Variants in SPATS2L observed in about 807,000 individuals in gnomAD.
The protein encoded by SPATS2L is spermatogenesis associated serine rich 2 like.
In SPATS2L, 30 loss-of-function variants were observed where a neutral mutation model predicts 59.6. The observed-to-expected ratio is 0.50, with a 90% CI of 0.38 to 0.68. SPATS2L has a LOEUF of 0.68. Ranked by LOEUF, SPATS2L falls within the 30% of genes least tolerant of loss-of-function variation. The pLI, the probability that SPATS2L is intolerant of heterozygous loss-of-function variation, is 0.00. For missense variants in SPATS2L, 615 were observed against 700.0 expected, an observed-to-expected ratio of 0.88 and a Z score of 1.37; for synonymous variants, 252 against 263.5, an observed-to-expected ratio of 0.96 and a Z score of 0.42.
Position 200,438,038 on chromosome 2 carries a change from G to A in SPATS2L, c.446-1084G>A, listed in dbSNP as rs76745073. 5.8e-3 allele frequency among the ~76,000 whole-genome samples: 881 copies of A among 152,312 alleles called. 8 individuals carry two copies. Among genetic ancestry groups the A allele is most frequent in the African/African-American group, 0.018 (729 of 41,572 alleles). On this transcript the variant is annotated intron_variant, in intron 6 of 12. Transcript: ENST00000409140. ...GGAAGATTGCAGCCTCTGCAAGGCA[G>A]GGGTGAGGGGCAGATATGGAAGCCT... is the stretch of plus-strand genomic sequence containing the variant.
At chr2:200,456,748 G>T (rs1393895037) in intron 8 of SPATS2L, among the ~76,000 whole-genome samples, 1 of 152,126 alleles carries the variant, frequency 6.6e-6, no homozygotes, top group African/African-American at 2.4e-5. Flanking sequence ...CCCCTCCACT[G>T]GGCATCTGAG....
intron 3 of SPATS2L, among the ~76,000 whole-genome samples, chr2:200,401,919 A>G (rs756261829): frequency 6.6e-6 from 1 of 152,156 alleles, no homozygotes; most frequent in Non-Finnish European, 1.5e-5. Flanking sequence ...CTGGACATGG[A>G]TGTCTCACAG....
Position 200,422,552 on chromosome 2 carries a change from A to G in SPATS2L, c.445+3056A>G, listed in dbSNP as rs867030886. On this transcript the variant is annotated intron_variant, in intron 6 of 12. Transcript: ENST00000409140. ...TAAGACTCCTCAAAAAAAAAAAAAA[A>G]GGGGGAGGAAGAAGAAATGATGGTA... 9.8e-4 allele frequency among the ~76,000 whole-genome samples: 137 copies of G among 139,634 alleles called. 1 individual carries two copies. In the East Asian group the frequency reaches 0.011, roughly 11 times the overall value. 91.6% of individuals were successfully genotyped at this position (139,634 alleles called of 152,430 possible).
intron 6 of SPATS2L, among the ~76,000 whole-genome samples, chr2:200,435,302 C>T (rs1553535091): frequency 6.6e-6 from 1 of 152,056 alleles, no homozygotes; most frequent in Non-Finnish European, 1.5e-5. Context: ...GGAATGCTCA[C>T]GTAATAGTTA....
At chr2:200,330,725 CA>C (rs1195308475) in intron 2 of SPATS2L, among the ~76,000 whole-genome samples, 1 of 152,124 alleles carries the variant, frequency 6.6e-6, no homozygotes, top group Non-Finnish European at 1.5e-5. Flanking sequence ...TGGAAGGCAA[CA>C]GCTTGATGGA....
intron 2 of SPATS2L, among the ~76,000 whole-genome samples, chr2:200,367,994 A>C (rs1019726648): frequency 1.3e-5 from 2 of 152,222 alleles, no homozygotes; most frequent in Admixed American, 6.5e-5. Context: ...TTTCATTATA[A>C]AAAGGTTGAG....
At chr2:200,321,839 A>T (rs936781811) in intron 1 of SPATS2L, among the ~76,000 whole-genome samples, 1 of 152,216 alleles carries the variant, frequency 6.6e-6, no homozygotes. Context: ...CCTTTGAGGT[A>T]AGTCTGTTAC....
chr2:200,326,324 A>G (rs995687824), intron 1 of SPATS2L, among the ~76,000 whole-genome samples: 3 of 152,220 alleles, frequency 2.0e-5, no homozygotes, highest in African/African-American at 7.2e-5. Context: ...CTGAGATTGA[A>G]AACAAAAATT....
intron 6 of SPATS2L, among the ~76,000 whole-genome samples, chr2:200,432,095 A>T (rs2106066941): frequency 6.6e-6 from 1 of 152,364 alleles, no homozygotes; most frequent in African/African-American, 2.4e-5. Flanking sequence ...TGACTTCATA[A>T]CAAATTCCCT....
At chr2:200,333,482 ATTTT>A (rs1159901155) in intron 2 of SPATS2L, among the ~76,000 whole-genome samples, 1 of 151,326 alleles carries the variant, frequency 6.6e-6, no homozygotes, top group East Asian at 1.9e-4. Flanking sequence ...GTTTTTTAAA[ATTTT>A]TTTTATTTTT....
chr2:200,311,384 G>A (rs2079187533), intron 1 of SPATS2L, among the ~76,000 whole-genome samples: 2 of 152,332 alleles, frequency 1.3e-5, no homozygotes, highest in Non-Finnish European at 2.9e-5. Flanking sequence ...ATGGAGTCTG[G>A]CAGTTGTGAG....
At chr2:200,364,310 G>C (rs75125124) in intron 2 of SPATS2L, among the ~76,000 whole-genome samples, 1 of 152,114 alleles carries the variant, frequency 6.6e-6, no homozygotes, top group African/African-American at 2.4e-5. Flanking sequence ...TCTCCTGTTC[G>C]GTAAGAAGAA....
At chr2:200,397,517 A>G (rs964201113) in intron 3 of SPATS2L, among the ~76,000 whole-genome samples, 3 of 152,290 alleles carry the variant, frequency 2.0e-5, no homozygotes, top group Non-Finnish European at 4.4e-5. Context: ...CTCAGACCTT[A>G]AAATTGTTAT....
At chr2:200,423,941 T>TA (rs1406676694) in intron 6 of SPATS2L, among the ~76,000 whole-genome samples, 1 of 152,172 alleles carries the variant, frequency 6.6e-6, no homozygotes, top group African/African-American at 2.4e-5. Flanking sequence ...TCAGGGGTGT[T>TA]AGTGTGACTT....
At chr2:200,457,608 C>T (rs775314101) in intron 8 of SPATS2L, among the ~76,000 whole-genome samples, 1 of 152,216 alleles carries the variant, frequency 6.6e-6, no homozygotes, top group Non-Finnish European at 1.5e-5. Flanking sequence ...TATCCAGTGA[C>T]CGTAAGCCAT....
intron 2 of SPATS2L, among the ~76,000 whole-genome samples, chr2:200,332,981 T>C (rs1468879556): frequency 6.6e-6 from 1 of 152,092 alleles, no homozygotes; most frequent in Admixed American, 6.6e-5. Context: ...ACAGACATGA[T>C]GTTGAAAGAC....
At chr2:200,428,000 G>T (rs1406858568) in intron 6 of SPATS2L, among the ~76,000 whole-genome samples, 1 of 151,548 alleles carries the variant, frequency 6.6e-6, no homozygotes, top group Non-Finnish European at 1.5e-5. Flanking sequence ...TGAGCTGGGG[G>T]TCGAGGCCAC....
At chr2:200,392,702 G>A (rs575382896) in intron 3 of SPATS2L, among the ~76,000 whole-genome samples, 2 of 152,110 alleles carry the variant, frequency 1.3e-5, no homozygotes, top group Admixed American at 6.5e-5. Context: ...AGGGCCAATT[G>A]TACTTGTGCT....
At position 200,467,417 on chromosome 2, in the gene SPATS2L, A is replaced by C; in HGVS notation, c.957+18A>C. 8.4e-6 allele frequency: 13 copies of C among 1,553,768 alleles called. No homozygotes were observed. The highest frequency in any genetic ancestry group is 1.2e-5 in the Non-Finnish European group (13 of 1,125,108). On this transcript the variant is annotated intron_variant, in intron 10 of 12. Transcript: ENST00000409140. ...AAATTAAGGTCAGTTCTAAAATATCACAGCCTGAACCCTGAGCCAGAGAGC... is the reference window on the plus strand; with the variant it reads ...AAATTAAGGTCAGTTCTAAAATATCCCAGCCTGAACCCTGAGCCAGAGAGC...
Sources: allele counts gnomAD v4.1 joint callset (sites outside exome capture counted in the v4.1 genomes callset), GRCh38; gene constraint gnomAD v4.1.1; transcripts MANE v1.5; gene names NCBI Gene and HGNC (gene_info 2026-07-23, HGNC 2026-07-21).